ZNF711: variants seen among roughly 807,000 people sequenced by gnomAD.
The protein encoded by ZNF711 is zinc finger protein 711.
ZNF711 carries 3 observed loss-of-function variants against 43.5 expected under a neutral mutation model. That is an observed-to-expected ratio of 0.07 (90% CI 0.03 to 0.18). The LOEUF (loss-of-function observed/expected upper bound fraction) is 0.18, where lower values mean the gene tolerates loss of function less well. ZNF711 is among the 10% of genes least tolerant of loss of function. The probability of loss-of-function intolerance (pLI) is 1.00; values close to 1 mark genes in which losing one functional copy is unlikely to be tolerated. For synonymous variants in ZNF711, 209 were observed against 207.7 expected, an observed-to-expected ratio of 1.01 and a Z score of -0.06; for missense variants, 412 against 604.0, an observed-to-expected ratio of 0.68 and a Z score of 3.33.
intron 4 of ZNF711, among the ~76,000 whole-genome samples, chrX:85,253,442 TG>T (rs1929723158): frequency 9.0e-6 from 1 of 111,396 alleles, no homozygotes; most frequent in Admixed American, 9.6e-5. Context: ...TTTAATTTTT[TG>T]AAACAATTAT....
Position 85,269,848 on chromosome X carries a change from T to A in ZNF711, c.1103-155T>A, listed in dbSNP as rs66527141. Among the ~76,000 whole-genome samples the A allele has an allele frequency of 0.13, 14,526 of 110,413 alleles. 701 individuals are homozygous for A. The highest frequency in any genetic ancestry group is 0.18 in the South Asian group (458 of 2,610). On this transcript the variant is annotated intron_variant, in intron 9 of 10. Transcript: ENST00000674551. ...ACTTGTGAGTGAGAGAGAACAAGAG[T>A]GAGAGAGAGAAAGAGAATCATAAGA...
intron 5 of ZNF711, among the ~76,000 whole-genome samples, chrX:85,256,156 G>A (rs1930116183): frequency 1.8e-5 from 2 of 110,676 alleles, no homozygotes; most frequent in Admixed American, 1.9e-4. Flanking sequence ...AATATGACAG[G>A]CACTGAAATT....
intron 8 of ZNF711, 94 bp from the exon 9 acceptor site, chrX:85,268,200 A>C (rs2147865545): frequency 1.9e-6 from 2 of 1,047,456 alleles, no homozygotes; most frequent in Non-Finnish European, 2.6e-6. Context: ...TGGGCAAAGT[A>C]AGATTTTGTA....
rs1182624792 is a variant in ZNF711 at position 85,244,145 on chromosome X, GGCA to G, written c.-449_-447del. 17 of 134,821 alleles carry G rather than the reference GGCA, an allele frequency of 1.3e-4. No individual in the cohort carries two copies. Among genetic ancestry groups the G allele is most frequent in the Admixed American group, 3.4e-4 (3 of 8,787 alleles). The allele number at this position is 134,821 out of a possible 1,213,427, so 11.1% of individuals were successfully genotyped here. A position where few individuals can be genotyped will look rare whatever the true frequency, so the allele number is the denominator to read the frequency against. Reference sequence around the variant, plus strand: ...CGGAGGCGGCGGCGGCGGCGGCGGCGGCAGCGGCGGCGGCAGCGGCGGCGGCAG... The same window carrying G: ...CGGAGGCGGCGGCGGCGGCGGCGGCGGCGGCGGCGGCAGCGGCGGCGGCAG... On this transcript the variant is annotated 5_prime_UTR_variant, in exon 1 of 11. Coordinates refer to ENST00000674551, the MANE Select transcript of ZNF711 (RefSeq NM_001330574.2).
At position 85,271,587 on chromosome X, in the gene ZNF711, A is replaced by G. The variant is rs1310272270; in HGVS notation, c.2183A>G (p.Lys728Arg). Residue 728 changes from lysine (K) to arginine (R), a missense_variant, in exon 11 of 11, where the codon AAG becomes AGG. By Grantham distance (26) the Lys-to-Arg change is conservative (BLOSUM62 2). Transcript: ENST00000674551. ...CAGCCATTGAAATGTAAAAGGTGCA[A>G]GAGAGGATTCAGACAACAAAATGAG... ...KDQPLKCKRC[K>R]RGFRQQNELK... is the part of the protein sequence containing the mutation. 1 of 1,211,348 alleles carries G rather than the reference A, an allele frequency of 8.3e-7. No homozygotes were observed. The highest frequency in any genetic ancestry group is 1.1e-6 in the Non-Finnish European group (1 of 895,177).
At chrX:85,267,257 G>T in intron 7 of ZNF711, 21 bp from the exon 8 acceptor site, 1 of 1,093,172 alleles carries the variant, frequency 9.1e-7, no homozygotes. Flanking sequence ...TTATAAACAA[G>T]CAATTATTTC....
rs763112022 is a variant in ZNF711 at position 85,272,637 on chromosome X, T to C, written c.*809T>C. The C allele has an allele frequency of 8.9e-6, 1 of 112,302 alleles. No homozygotes were observed. Among genetic ancestry groups the C allele is most frequent in the South Asian group, 3.7e-4 (1 of 2,707 alleles). The allele number at this position is 112,302 out of a possible 1,213,427, so 9.3% of individuals were successfully genotyped here. Reference sequence around the variant, plus strand: ...CTATATTTCTTAATGATCTAAAGATTAATTTGAGAGAACACAGTTTTCTTA... The same window carrying C: ...CTATATTTCTTAATGATCTAAAGATCAATTTGAGAGAACACAGTTTTCTTA... On this transcript the variant is annotated 3_prime_UTR_variant, in exon 11 of 11. Transcript: ENST00000674551.
intron 4 of ZNF711, among the ~76,000 whole-genome samples, chrX:85,252,741 A>G (rs1929658035): frequency 9.0e-6 from 1 of 110,978 alleles, no homozygotes; most frequent in Admixed American, 9.6e-5. Flanking sequence ...GACTTCCAGG[A>G]TTGTGGCTGT....
At position 85,270,868 on chromosome X, in the gene ZNF711, C is replaced by G; in HGVS notation, c.1464C>G (p.Val488=). The change falls in exon 11 of 11, where the codon GTC becomes GTG. Residue 488 remains valine (V), a synonymous_variant. Coordinates refer to ENST00000674551, the MANE Select transcript of ZNF711 (RefSeq NM_001330574.2). ...AAAGCCATAAGCTCATAAACAAAGT[C>G]GACAAAACCCATGAATTTACAGAAT... ...HLESHKLINK[V]DKTHEFTEYT... The G allele has an allele frequency of 8.3e-7, 1 of 1,208,132 alleles. No homozygotes were observed. Among genetic ancestry groups the G allele is most frequent in the Non-Finnish European group, 1.1e-6 (1 of 893,695 alleles).
At chrX:85,249,690 A>G (rs1929377654) in intron 4 of ZNF711, among the ~76,000 whole-genome samples, 1 of 111,686 alleles carries the variant, frequency 9.0e-6, no homozygotes, top group Non-Finnish European at 1.9e-5. Context: ...TTTCTTCTTT[A>G]CTTTTTATTC....
At chrX:85,256,713 ATTTAT>A (rs1435922091) in intron 5 of ZNF711, among the ~76,000 whole-genome samples, 1 of 109,256 alleles carries the variant, frequency 9.2e-6, no homozygotes, top group Admixed American at 9.7e-5. Flanking sequence ...AATAAACTAA[ATTTAT>A]TTAATTTGTG....
intron 5 of ZNF711, among the ~76,000 whole-genome samples, chrX:85,256,785 A>G (rs1930179822): frequency 8.9e-6 from 1 of 111,837 alleles, no homozygotes; most frequent in South Asian, 3.7e-4. Context: ...TTTGAAGGTG[A>G]ATTTTTACAT....
intron 4 of ZNF711, among the ~76,000 whole-genome samples, chrX:85,252,940 T>C (rs937651431): frequency 2.7e-5 from 3 of 112,137 alleles, no homozygotes; most frequent in Non-Finnish European, 5.6e-5. Flanking sequence ...AATGAATTGA[T>C]TAAAAATAAT....
intron 5 of ZNF711, among the ~76,000 whole-genome samples, chrX:85,259,154 A>C (rs748325938): frequency 4.4e-4 from 49 of 111,259 alleles, no homozygotes; most frequent in Admixed American, 5.8e-4. Flanking sequence ...CATTTATTGA[A>C]TAGGGAGTCC....
intron 4 of ZNF711, among the ~76,000 whole-genome samples, chrX:85,249,128 T>C (rs962977742): frequency 8.9e-6 from 1 of 111,766 alleles, no homozygotes; most frequent in African/African-American, 3.3e-5. Context: ...GCTAAGTGAA[T>C]TGTGTTGACT....
intron 5 of ZNF711, among the ~76,000 whole-genome samples, chrX:85,259,822 A>G (rs1047599391): frequency 7.2e-5 from 8 of 111,473 alleles, no homozygotes; most frequent in African/African-American, 2.6e-4. Flanking sequence ...GTATAGAATC[A>G]TATCATCAGC....
At chrX:85,246,721 G>A (rs1929077714) in intron 2 of ZNF711, among the ~76,000 whole-genome samples, 1 of 112,139 alleles carries the variant, frequency 8.9e-6, no homozygotes, top group African/African-American at 3.2e-5. Context: ...CTGACTTTAT[G>A]TTCCATACTA....
In ZNF711 at chrX:85,270,016, C is replaced by A; in HGVS notation, c.1116C>A (p.Asp372Glu). ...TTTTTTTTCCAGGAAATACTTTGGA[C>A]TCAGCATTAGAAAGCAGAAGTAGTA... ...EDCQASGNTLDSALESRSSTA... is the reference protein window; with the variant it reads ...EDCQASGNTLESALESRSSTA... The change falls in exon 10 of 11, where the codon GAC (aspartate) becomes GAA (glutamate). Residue 372 changes from aspartate (D) to glutamate (E), a missense_variant. Around this residue, in one of 4 missense-constraint regions of ZNF711, gnomAD observed 375 missense variants for 514.2 expected, o/e 0.73. Coordinates refer to ENST00000674551, the MANE Select transcript of ZNF711 (RefSeq NM_001330574.2). The A allele has an allele frequency of 8.3e-7, 1 of 1,209,516 alleles. No homozygotes were observed. Among genetic ancestry groups the A allele is most frequent in the Non-Finnish European group, 1.1e-6 (1 of 894,357 alleles).
intron 5 of ZNF711, among the ~76,000 whole-genome samples, chrX:85,260,774 C>T (rs1010634983): frequency 9.1e-6 from 1 of 110,377 alleles, no homozygotes; most frequent in Non-Finnish European, 1.9e-5. Context: ...GTACATTTGA[C>T]CCTTGAACAA....
Sources: allele counts gnomAD v4.1 joint callset (sites outside exome capture counted in the v4.1 genomes callset), GRCh38; gene constraint gnomAD v4.1.1; regional missense constraint gnomAD v4.1.1; transcripts MANE v1.5; gene names NCBI Gene and HGNC (gene_info 2026-07-23, HGNC 2026-07-21).